TMCC1: variants seen among roughly 807,000 people sequenced by gnomAD.
The protein encoded by TMCC1 is transmembrane and coiled-coil domain family 1, also known as transmembrane and coiled-coil domains protein 1.
In TMCC1, 15 loss-of-function variants were observed where a neutral mutation model predicts 52.4. That is an observed-to-expected ratio of 0.29 (90% CI 0.19 to 0.44). The LOEUF is 0.44. Ranked by LOEUF, TMCC1 falls within the 20% of genes least tolerant of loss-of-function variation. The pLI is 1.00. For missense variants in TMCC1, 503 were observed against 806.0 expected (o/e 0.62, Z 4.55); for synonymous variants, 279 against 301.9 (o/e 0.92, Z 0.79).
At chr3:129,708,015 G>GA (rs2048373972) in intron 4 of TMCC1, among the ~76,000 whole-genome samples, 1 of 30,842 alleles carries the variant, frequency 3.2e-5, no homozygotes, top group African/African-American at 4.2e-5. Context: ...TAGAGGATGA[G>GA]AAAAAAAAAG....
At chr3:129,703,187 G>A (rs545056890) in intron 4 of TMCC1, among the ~76,000 whole-genome samples, 14 of 152,270 alleles carry the variant, frequency 9.2e-5, no homozygotes, top group Admixed American at 5.2e-4. Context: ...AGAGCTTGTG[G>A]TTCCAAAAAT....
intron 4 of TMCC1, among the ~76,000 whole-genome samples, chr3:129,728,624 T>C (rs1334888091): frequency 6.6e-6 from 1 of 152,122 alleles, no homozygotes; most frequent in Non-Finnish European, 1.5e-5. Flanking sequence ...ACCACAGAAT[T>C]TACTTTTTAC....
At chr3:129,688,165 CATTT>C in intron 4 of TMCC1, 1 of 985,414 alleles carries the variant, frequency 1.0e-6, no homozygotes, top group Non-Finnish European at 1.2e-6. Context: ...AATCACAACA[CATTT>C]ATCTTACCAA....
At chr3:129,852,562 C>T (rs145809643) in intron 2 of TMCC1, among the ~76,000 whole-genome samples, 1 of 149,470 alleles carries the variant, frequency 6.7e-6, no homozygotes, top group East Asian at 2.0e-4. Context: ...AAGCCAATCA[C>T]AAAGAGATAA....
intron 2 of TMCC1, among the ~76,000 whole-genome samples, chr3:129,878,351 T>C (rs906096164): frequency 5.3e-5 from 8 of 152,198 alleles, no homozygotes; most frequent in African/African-American, 1.7e-4. Context: ...TCTCTTTCTT[T>C]CAGTCTTCTC....
intron 4 of TMCC1, among the ~76,000 whole-genome samples, chr3:129,718,165 C>T (rs1266063718): frequency 6.6e-6 from 1 of 152,172 alleles, no homozygotes; most frequent in African/African-American, 2.4e-5. Context: ...AAAGTATGTA[C>T]AAATCTGAAG....
intron 4 of TMCC1, chr3:129,819,012 C>G (rs1380789211): frequency 2.0e-5 from 3 of 153,016 alleles, no homozygotes; most frequent in Non-Finnish European, 4.4e-5. Flanking sequence ...CCAGGCCAAA[C>G]AGTTCACTTG....
intron 1 of TMCC1, among the ~76,000 whole-genome samples, chr3:129,891,837 T>G (rs942178846): frequency 6.6e-6 from 1 of 152,220 alleles, no homozygotes; most frequent in South Asian, 2.1e-4. Context: ...TTATATGTTC[T>G]GCACATTTAT....
chr3:129,716,916 G>C (rs1486967002), intron 4 of TMCC1, among the ~76,000 whole-genome samples: 1 of 152,210 alleles, frequency 6.6e-6, no homozygotes, highest in Non-Finnish European at 1.5e-5. Context: ...GACTCTACAA[G>C]TGGTGAGTGG....
In TMCC1 at chr3:129,708,132, T is replaced by C. The variant is rs955917271; in HGVS notation, c.577-36868A>G. On this transcript the variant is annotated intron_variant, in intron 4 of 6. Coordinates refer to ENST00000393238, the MANE Select transcript of TMCC1 (RefSeq NM_001017395.5). ...TTAATTGATAACAAATGTTCTTTAG[T>C]ATCTTTTTATAAACAAAACAAACAT... is the stretch of plus-strand genomic sequence containing the variant. Among the ~76,000 whole-genome samples the C allele has an allele frequency of 2.0e-5, 3 of 152,176 alleles. No homozygotes were observed. In the South Asian group the frequency reaches 6.2e-4, roughly 31 times the overall value.
intron 4 of TMCC1, among the ~76,000 whole-genome samples, chr3:129,709,355 A>G (rs1460602274): frequency 6.6e-6 from 1 of 151,460 alleles, no homozygotes; most frequent in Non-Finnish European, 1.5e-5. Flanking sequence ...GTATGCCTAC[A>G]GTCCCACCTA....
intron 2 of TMCC1, among the ~76,000 whole-genome samples, chr3:129,868,424 T>C (rs1384777601): frequency 1.3e-5 from 2 of 152,172 alleles, no homozygotes; most frequent in East Asian, 1.9e-4. Flanking sequence ...CTCAGGAATA[T>C]GGCATTTAGC....
At chr3:129,755,945 A>G (rs1177712704) in intron 4 of TMCC1, among the ~76,000 whole-genome samples, 2 of 152,256 alleles carry the variant, frequency 1.3e-5, no homozygotes, top group African/African-American at 4.8e-5. Flanking sequence ...TAAAAATACA[A>G]AACTCAGCTG....
At chr3:129,703,872 T>A (rs1265477154) in intron 4 of TMCC1, among the ~76,000 whole-genome samples, 4 of 152,230 alleles carry the variant, frequency 2.6e-5, no homozygotes, top group Non-Finnish European at 5.9e-5. Flanking sequence ...TTGCCTTTCA[T>A]TTCTTCCTGA....
intron 3 of TMCC1, among the ~76,000 whole-genome samples, chr3:129,830,352 T>C (rs750517451): frequency 4.6e-5 from 7 of 152,158 alleles, no homozygotes; most frequent in East Asian, 1.9e-4. Context: ...TAACCAAATA[T>C]GAAATAAACA....
At chr3:129,755,972 C>G (rs367662714) in intron 4 of TMCC1, among the ~76,000 whole-genome samples, 3 of 152,040 alleles carry the variant, frequency 2.0e-5, no homozygotes, top group African/African-American at 7.2e-5. Flanking sequence ...GTGGTGGGCA[C>G]CTTTAATCCC....
intron 4 of TMCC1, among the ~76,000 whole-genome samples, chr3:129,733,305 C>T (rs2050692169): frequency 6.6e-6 from 1 of 152,214 alleles, no homozygotes; most frequent in Non-Finnish European, 1.5e-5. Flanking sequence ...AGCCTTTATG[C>T]ATCTTCTCTA....
chr3:129,852,056 G>A (rs2059937336), intron 2 of TMCC1, among the ~76,000 whole-genome samples: 1 of 152,168 alleles, frequency 6.6e-6, no homozygotes, highest in African/African-American at 2.4e-5. Context: ...GTGAGGCTGA[G>A]GCAGGAGGAT....
chr3:129,714,187 T>C (rs2048902870), intron 4 of TMCC1, among the ~76,000 whole-genome samples: 1 of 152,202 alleles, frequency 6.6e-6, no homozygotes, highest in African/African-American at 2.4e-5. Context: ...ACAAATTCTT[T>C]CCATTTTAAA....
Sources: gnomAD v4.1 joint callset for allele counts (sites outside exome capture counted in the v4.1 genomes callset) on GRCh38, gnomAD v4.1.1 for gene constraint, MANE v1.5 for transcripts, NCBI Gene and HGNC (gene_info 2026-07-23, HGNC 2026-07-21) for gene names.